Variants in PIP4K2C observed in about 807,000 individuals in gnomAD.
PIP4K2C encodes the protein phosphatidylinositol 5-phosphate 4-kinase type-2 gamma.
A neutral mutation model predicts 45.0 loss-of-function variants in PIP4K2C; 21 were observed. That is an observed-to-expected ratio of 0.47 (90% CI 0.33 to 0.67). The LOEUF is 0.67. Ranked by LOEUF, PIP4K2C falls within the 30% of genes least tolerant of loss-of-function variation. PIP4K2C has a pLI of 0.02. For missense variants in PIP4K2C, 456 were observed against 542.8 expected (o/e 0.84, Z 1.59); for synonymous variants, 201 against 204.8 (o/e 0.98, Z 0.16).
Position 57,601,033 on chromosome 12 carries a change from G to C in PIP4K2C, c.1036G>C (p.Glu346Gln). ...TTCCCATCGGCCCCTGGGCCCAGGA[G>C]AGTTTGAGTCCTTCATTGATGTCTA... ...IHSHRPLGPG[E>Q]FESFIDVYAI... Residue 346 changes from glutamate to glutamine, a missense_variant, in exon 8 of 10, where the codon GAG becomes CAG. Around this residue, in one of 2 missense-constraint regions of PIP4K2C, gnomAD observed 421 missense variants for 473.1 expected, o/e 0.89. Coordinates refer to ENST00000354947, the MANE Select transcript of PIP4K2C (RefSeq NM_024779.5). The C allele has an allele frequency of 6.2e-7, 1 of 1,614,002 alleles. No homozygotes were observed. Among genetic ancestry groups the C allele is most frequent in the Non-Finnish European group, 8.5e-7 (1 of 1,180,040 alleles).
rs1883497473 is a variant in PIP4K2C at position 57,602,796 on chromosome 12, C to T, written c.*1190C>T. 1 of 152,714 alleles carries T rather than the reference C, an allele frequency of 6.5e-6. No individual in the cohort carries two copies. The allele number at this position is 152,714 out of a possible 1,614,324, so 9.5% of individuals were successfully genotyped here. On this transcript the variant is annotated 3_prime_UTR_variant, in exon 10 of 10. Transcript: ENST00000354947. ...TCCACCCCCAGAGAGGAGTCAGAGC[C>T]ATAACTCAATCACTCAGCCCCTCCA...
intron 9 of PIP4K2C, 26 bp from the exon 10 acceptor site, chr12:57,601,500 A>G: frequency 6.3e-7 from 1 of 1,599,882 alleles, no homozygotes; most frequent in South Asian, 1.1e-5. Flanking sequence ...GTGGCCTGAC[A>G]TATTGTTCCG....
At chr12:57,596,143 C>A in intron 4 of PIP4K2C, 112 bp downstream of exon 4, 1 of 1,304,266 alleles carries the variant, frequency 7.7e-7, no homozygotes. Flanking sequence ...AAGAGAGAAT[C>A]CATAATCATA....
At chr12:57,596,182 A>G in intron 4 of PIP4K2C, 151 bp downstream of exon 4, 1 of 1,011,460 alleles carries the variant, frequency 9.9e-7, no homozygotes, top group Admixed American at 2.4e-5. Flanking sequence ...GAGGGAAGCT[A>G]TTCTGTCTGA....
In PIP4K2C at chr12:57,600,906, G is replaced by T. The variant is rs779170323; in HGVS notation, c.909G>T (p.Arg303=). The part of the protein sequence containing the change: ...GSEPEEEAPV[R]EDESEVDGDC... The stretch of plus-strand genomic sequence containing the variant: ...AACCAGAGGAGGAAGCGCCCGTGCG[G>T]GAGGATGAGTCAGAGGTGGATGGGG... Residue 303 remains arginine, a synonymous_variant, in exon 8 of 10, where the codon CGG becomes CGT. Coordinates refer to ENST00000354947, the MANE Select transcript of PIP4K2C (RefSeq NM_024779.5). 32 of 1,614,084 alleles carry T rather than the reference G, an allele frequency of 2.0e-5. No individual in the cohort carries two copies. Among genetic ancestry groups the T allele is most frequent in the Admixed American group, 3.3e-5 (2 of 60,006 alleles).
At position 57,595,994 on chromosome 12, in the gene PIP4K2C, T is replaced by C. The variant is rs775009549; in HGVS notation, c.476T>C (p.Ile159Thr). 5 of 1,613,970 alleles carry C rather than the reference T, an allele frequency of 3.1e-6. No homozygotes were observed. The highest frequency in any genetic ancestry group is 1.1e-5 in the South Asian group (1 of 91,076). ...LVIKEVSSED[I>T]ADMHSNLSNY... ...ATCAAAGAAGTATCCAGTGAGGACATTGCTGACATGCATAGCAACCTCTCC... is the reference window on the plus strand; with the variant it reads ...ATCAAAGAAGTATCCAGTGAGGACACTGCTGACATGCATAGCAACCTCTCC... The change falls in exon 4 of 10, where the codon ATT (isoleucine) becomes ACT (threonine). Residue 159 changes from isoleucine (I) to threonine (T), a missense_variant. Ile to Thr is a moderately conservative substitution (Grantham distance 89, BLOSUM62 -1). Coordinates refer to ENST00000354947, the MANE Select transcript of PIP4K2C (RefSeq NM_024779.5).
chr12:57,600,262 G>A (rs1883370906), intron 6 of PIP4K2C, 62 bp from the exon 7 acceptor site: 5 of 992,490 alleles, frequency 5.0e-6, no homozygotes, highest in Non-Finnish European at 7.8e-6. Context: ...TAGACAGAAG[G>A]TGGGGTTCTG....
chr12:57,598,047 C>T (rs1594940313), intron 4 of PIP4K2C: 1 of 152,248 alleles, frequency 6.6e-6, no homozygotes, highest in East Asian at 1.9e-4. Flanking sequence ...GAGGCAGCAA[C>T]ACAGAAAGAG....
chr12:57,599,508 G>A (rs889464569), intron 6 of PIP4K2C, 70 bp downstream of exon 6: 4 of 1,537,796 alleles, frequency 2.6e-6, no homozygotes, highest in Admixed American at 1.7e-5. Context: ...GAACTTCTTA[G>A]GATGGAGAGG....
chr12:57,595,557 T>G (rs950138283), intron 3 of PIP4K2C, among the ~76,000 whole-genome samples: 1 of 151,986 alleles, frequency 6.6e-6, no homozygotes, highest in East Asian at 1.9e-4. Context: ...ATATGAAAAT[T>G]AGCCAGGTGT....
At chr12:57,593,247 A>G (rs1354362448) in intron 1 of PIP4K2C, among the ~76,000 whole-genome samples, 2 of 152,194 alleles carry the variant, frequency 1.3e-5, no homozygotes, top group East Asian at 3.8e-4. Flanking sequence ...AGCAACACCA[A>G]GGAGAAAGCA....
intron 2 of PIP4K2C, 110 bp downstream of exon 2, chr12:57,594,232 A>G: frequency 1.1e-6 from 1 of 876,100 alleles, no homozygotes; most frequent in East Asian, 2.7e-5. Context: ...AAATGCAGAA[A>G]TTAGTTTTGT....
intron 1 of PIP4K2C, 93 bp downstream of exon 1, chr12:57,591,556 C>A: frequency 7.2e-7 from 1 of 1,379,766 alleles, no homozygotes; most frequent in Non-Finnish European, 9.7e-7. Flanking sequence ...GAGCCCCACG[C>A]AGTGCCACTC....
At position 57,595,905 on chromosome 12, in the gene PIP4K2C, C is replaced by T. The variant is rs770387921; in HGVS notation, c.387C>T (p.Asn129=). ...DQDYLVSLTR[N]PPSESEGSDG... is the part of the protein sequence containing the mutation. Reference sequence around the variant, plus strand: ...GTCCCCAGGTGTCCCTTACCCGAAACCCCCCCAGCGAAAGTGAAGGCAGTG... The same window carrying T: ...GTCCCCAGGTGTCCCTTACCCGAAATCCCCCCAGCGAAAGTGAAGGCAGTG... Residue 129 remains asparagine, a synonymous_variant, in exon 4 of 10, where the codon AAC becomes AAT. Coordinates refer to ENST00000354947, the MANE Select transcript of PIP4K2C (RefSeq NM_024779.5). 32 of 1,612,998 alleles carry T rather than the reference C, an allele frequency of 2.0e-5. No homozygotes were observed. Among genetic ancestry groups the T allele is most frequent in the Non-Finnish European group, 2.5e-5 (29 of 1,179,374 alleles).
intron 1 of PIP4K2C, among the ~76,000 whole-genome samples, chr12:57,592,135 A>G (rs939325207): frequency 2.1e-4 from 32 of 152,222 alleles, no homozygotes; most frequent in Admixed American, 2.6e-4. Flanking sequence ...TGTTTGGTGT[A>G]GGTGGTGGCG....
intron 8 of PIP4K2C, 77 bp downstream of exon 8, chr12:57,601,155 CCT>C (rs2140194156): frequency 6.3e-7 from 1 of 1,592,436 alleles, no homozygotes; most frequent in South Asian, 1.1e-5. Context: ...TGGGGGAGAG[CCT>C]GATTAGCTTT....
chr12:57,593,708 CTAGAA>C (rs1475889627), intron 1 of PIP4K2C, among the ~76,000 whole-genome samples: 4 of 29,076 alleles, frequency 1.4e-4, no homozygotes, highest in African/African-American at 2.7e-4. Flanking sequence ...TTTTTTTTTT[CTAGAA>C]TTTCTCACAG....
chr12:57,595,101 C>G (rs749279008), intron 2 of PIP4K2C, 25 bp from the exon 3 acceptor site: 7 of 1,435,264 alleles, frequency 4.9e-6, no homozygotes, highest in Admixed American at 1.7e-5. Flanking sequence ...TGTTTGTTTT[C>G]TTACTTTGAA....
At chr12:57,598,537 A>AG (rs1452675124) in intron 4 of PIP4K2C, among the ~76,000 whole-genome samples, 6 of 148,046 alleles carry the variant, frequency 4.1e-5, no homozygotes, top group African/African-American at 1.2e-4. Context: ...AAAAAAAAAA[A>AG]AAAAAAATCC....
Sources: allele counts gnomAD v4.1 joint callset (sites outside exome capture counted in the v4.1 genomes callset), GRCh38; gene constraint gnomAD v4.1.1; regional missense constraint gnomAD v4.1.1; transcripts MANE v1.5; gene names NCBI Gene and HGNC (gene_info 2026-07-23, HGNC 2026-07-21).